The following OPA1 variants were observed in gnomAD, a reference collection of about 807,000 sequenced individuals.
The protein encoded by OPA1 is OPA1 mitochondrial dynamin like GTPase.
In OPA1, 59 loss-of-function variants were observed where a neutral mutation model predicts 152.9. The ratio of observed to expected loss-of-function variants is 0.39; its 90% CI spans 0.31 to 0.48. OPA1 has a LOEUF of 0.48. OPA1 is among the 20% of genes least tolerant of loss of function. OPA1 has a pLI of 0.96. For missense variants in OPA1, 1,008 were observed against 1,216.8 expected (o/e 0.83, Z 2.55); for synonymous variants, 400 against 389.9 (o/e 1.03, Z -0.31).
chr3:193,668,337 G>A (rs992276884), intron 29 of OPA1: 8 of 1,550,996 alleles, frequency 5.2e-6, no homozygotes, highest in Admixed American at 2.0e-5. Context: ...TCCCCAGCTC[G>A]GACTCAACAC....
chr3:193,609,825 C>T (rs1002210866), intron 1 of OPA1, among the ~76,000 whole-genome samples: 4 of 152,176 alleles, frequency 2.6e-5, no homozygotes, highest in African/African-American at 4.8e-5. Context: ...TCCAGTTGAT[C>T]GAATCGGCTA....
chr3:193,631,756 G>A, intron 8 of OPA1, 91 bp downstream of exon 8: 1 of 1,079,886 alleles, frequency 9.3e-7, no homozygotes, highest in South Asian at 1.3e-5. Context: ...TTTCAACAGA[G>A]CAAAATTTGG....
intron 1 of OPA1, among the ~76,000 whole-genome samples, chr3:193,605,980 C>T (rs538773690): frequency 6.6e-6 from 1 of 152,278 alleles, no homozygotes; most frequent in East Asian, 1.9e-4. Context: ...ACCTCTGTTT[C>T]CCCATGTTCC....
chr3:193,637,540 G>A (rs1733144260), intron 10 of OPA1, among the ~76,000 whole-genome samples: 1 of 151,870 alleles, frequency 6.6e-6, no homozygotes, highest in East Asian at 1.9e-4. Context: ...GAAGATATTT[G>A]GCTTTATATG....
chr3:193,673,722 A>G (rs1718415635), intron 29 of OPA1, among the ~76,000 whole-genome samples: 1 of 152,108 alleles, frequency 6.6e-6, no homozygotes, highest in South Asian at 2.1e-4. Context: ...ATTTATTCCT[A>G]TTTCTTGTTC....
chr3:193,597,133 T>G (rs1027909965), intron 1 of OPA1, among the ~76,000 whole-genome samples: 23 of 150,938 alleles, frequency 1.5e-4, no homozygotes, highest in Admixed American at 7.2e-4. Context: ...GTAGATGAGA[T>G]TGCCTAGGGA....
At chr3:193,629,346 T>G (rs1731703288) in intron 7 of OPA1, among the ~76,000 whole-genome samples, 1 of 152,222 alleles carries the variant, frequency 6.6e-6, no homozygotes, top group South Asian at 2.1e-4. Context: ...ATCCTAAAAT[T>G]CAAATTTATA....
chr3:193,683,433 G>C (rs1388291182), intron 29 of OPA1, among the ~76,000 whole-genome samples: 4 of 151,960 alleles, frequency 2.6e-5, no homozygotes, highest in Admixed American at 2.6e-4. Context: ...TGAGAAGATA[G>C]TGTCCCAATT....
At chr3:193,684,685 A>G (rs1162410405) in intron 29 of OPA1, among the ~76,000 whole-genome samples, 1 of 151,874 alleles carries the variant, frequency 6.6e-6, no homozygotes, top group Non-Finnish European at 1.5e-5. Context: ...TCCTGACCTC[A>G]TGTGATCCAC....
chr3:193,609,639 A>G (rs1448467706), intron 1 of OPA1, among the ~76,000 whole-genome samples: 31 of 152,322 alleles, frequency 2.0e-4, no homozygotes, highest in Admixed American at 6.5e-4. Flanking sequence ...GTGTTTTCCA[A>G]CTTGGTTCCA....
In OPA1 at chr3:193,615,060, C is replaced by T; in HGVS notation, c.351+19C>T. 6.3e-7 allele frequency: 1 copy of T among 1,583,208 alleles called. No homozygotes were observed. Among genetic ancestry groups the T allele is most frequent in the Non-Finnish European group, 8.7e-7 (1 of 1,151,940 alleles). On this transcript the variant is annotated intron_variant, in intron 2 of 30. Coordinates refer to ENST00000361510, the MANE Select transcript of OPA1 (RefSeq NM_130837.3). ...CAAAAAGGTGAACTTGACATTCCTCCTGGTTTTCCAATTATTATATCATGA... is the reference window on the plus strand; with the variant it reads ...CAAAAAGGTGAACTTGACATTCCTCTTGGTTTTCCAATTATTATATCATGA...
intron 6 of OPA1, among the ~76,000 whole-genome samples, chr3:193,625,657 A>G (rs191651170): frequency 5.7e-4 from 87 of 152,230 alleles, no homozygotes; most frequent in African/African-American, 2.0e-3. Context: ...AATATCAAGA[A>G]AAAATACTAA....
At chr3:193,646,163 T>C (rs1365488128) in intron 18 of OPA1, among the ~76,000 whole-genome samples, 1 of 152,118 alleles carries the variant, frequency 6.6e-6, no homozygotes, top group East Asian at 1.9e-4. Flanking sequence ...TGGAGTGGGG[T>C]TGTCGAAGAA....
rs1025605131 is a variant in OPA1, at chr3:193,658,768, T to G, written c.2332-119T>G. ...GCATTTTTATAGGAAGGATATATTT[T>G]TATGCTGGTTTATATACATGGTTAT... On this transcript the variant is annotated intron_variant, in intron 23 of 30. Coordinates refer to ENST00000361510, the MANE Select transcript of OPA1 (RefSeq NM_130837.3). The G allele has an allele frequency of 9.8e-6, 7 of 717,870 alleles. No individual in the cohort carries two copies. The East Asian group carries it at 1.6e-4, about 17-fold the overall frequency. 44.5% of individuals were successfully genotyped at this position (717,870 alleles called of 1,614,324 possible). A position where few individuals can be genotyped will look rare whatever the true frequency, so the allele number is the denominator to read the frequency against.
intron 1 of OPA1, chr3:193,614,078 G>A: frequency 2.2e-6 from 1 of 463,996 alleles, no homozygotes; most frequent in Non-Finnish European, 4.2e-6. Context: ...GAGCTCTACA[G>A]TCAATGTGTA....
intron 29 of OPA1, chr3:193,668,437 C>T (rs1035004682): frequency 6.4e-6 from 10 of 1,550,522 alleles, no homozygotes; most frequent in Middle Eastern, 1.7e-4. Context: ...GGTTGCTCTT[C>T]GTCATGGAGT....
intron 29 of OPA1, among the ~76,000 whole-genome samples, chr3:193,689,791 A>G (rs145104371): frequency 6.6e-6 from 1 of 152,274 alleles, no homozygotes; most frequent in African/African-American, 2.4e-5. Flanking sequence ...TTCTCTTCAT[A>G]CAGTACAGCA....
At chr3:193,683,019 C>G (rs1720404672) in intron 29 of OPA1, among the ~76,000 whole-genome samples, 1 of 152,042 alleles carries the variant, frequency 6.6e-6, no homozygotes, top group African/African-American at 2.4e-5. Context: ...GGAAAGGACT[C>G]ACCATTTTAG....
At chr3:193,676,215 A>G (rs1309092354) in intron 29 of OPA1, among the ~76,000 whole-genome samples, 1 of 148,590 alleles carries the variant, frequency 6.7e-6, no homozygotes, top group Non-Finnish European at 1.5e-5. Context: ...AGAAATGTGT[A>G]TGTTTGAGAG....
Sources: allele counts gnomAD v4.1 joint callset (sites outside exome capture counted in the v4.1 genomes callset), GRCh38; gene constraint gnomAD v4.1.1; transcripts MANE v1.5; gene names NCBI Gene and HGNC (gene_info 2026-07-23, HGNC 2026-07-21).